Variants in CEP63 observed in about 807,000 individuals in gnomAD.
CEP63 encodes the protein centrosomal protein 63.
A neutral mutation model predicts 89.1 loss-of-function variants in CEP63; 84 were observed. That is an observed-to-expected ratio of 0.94 (90% CI 0.79 to 1.13). CEP63 has a LOEUF of 1.13. Ranked by LOEUF, CEP63 falls within the 50% of genes most tolerant of loss-of-function variation. The pLI is 0.00. For missense variants in CEP63, 838 were observed against 813.3 expected (o/e 1.03, Z -0.37); for synonymous variants, 267 against 272.5 (o/e 0.98, Z 0.20).
At chr3:134,654,183 A>G in the CEP63 span, among the ~76,000 whole-genome samples, 1 of 152,154 alleles carries the variant, frequency 6.6e-6, no homozygotes, top group African/African-American at 2.4e-5. Flanking sequence ...AGTTGTCTGA[A>G]TGGTTCTGGG....
intron 6 of CEP63, among the ~76,000 whole-genome samples, chr3:134,540,091 G>A (rs1030348408): frequency 6.6e-6 from 1 of 152,160 alleles, no homozygotes; most frequent in African/African-American, 2.4e-5. Flanking sequence ...TTTTGAAGCT[G>A]TGTGATAGGG....
chr3:134,651,603 T>A, the CEP63 span: 1 of 988,172 alleles, frequency 1.0e-6, no homozygotes, highest in African/African-American at 1.7e-5. Context: ...TTGGGTGGGG[T>A]GTTGGAGTCA....
At chr3:134,625,236 T>C in the CEP63 span, 4 of 860,940 alleles carry the variant, frequency 4.6e-6, no homozygotes, top group South Asian at 5.9e-5. Flanking sequence ...CTGTCCAACC[T>C]TTAACACAAT....
At chr3:134,607,313 G>A in the CEP63 span, 2 of 985,496 alleles carry the variant, frequency 2.0e-6, no homozygotes, top group Non-Finnish European at 1.2e-6. Flanking sequence ...AAGTCATTGT[G>A]TGGTGGAAGG....
rs540970879 is a variant in CEP63 at position 134,528,293 on chromosome 3, A to G, written c.223-3552A>G. Among the ~76,000 whole-genome samples the G allele has an allele frequency of 4.6e-5, 7 of 151,988 alleles. 1 individual carries two copies. The South Asian group carries it at 1.5e-3, about 32-fold the overall frequency. On this transcript the variant is annotated intron_variant, in intron 3 of 14. Coordinates refer to ENST00000675561, the MANE Select transcript of CEP63 (RefSeq NM_001353108.3). ...AGCACACCAGTTGTCTCAGTCCCTC[A>G]TTGGCAGCTTTTCCTCCTGGCTGTG...
At chr3:134,618,178 T>C in the CEP63 span, among the ~76,000 whole-genome samples, 1 of 151,846 alleles carries the variant, frequency 6.6e-6, no homozygotes, top group African/African-American at 2.4e-5. Flanking sequence ...TGCTTGGCAG[T>C]GGTGATGGGG....
At chr3:134,611,371 C>G in the CEP63 span, among the ~76,000 whole-genome samples, 94,830 of 152,036 alleles carry the variant, frequency 0.62, 30,096 homozygotes, top group East Asian at 0.87. Flanking sequence ...AAAGCAAGAC[C>G]CCTGGGTGTC....
intron 5 of CEP63, among the ~76,000 whole-genome samples, chr3:134,534,784 G>A (rs1286301617): frequency 6.6e-6 from 1 of 152,112 alleles, no homozygotes; most frequent in Non-Finnish European, 1.5e-5. Flanking sequence ...GAATCATACT[G>A]TATTTCCTCT....
chr3:134,557,376 G>GTTTTTTTTTTTTTTT lies in CEP63; in HGVS notation c.1468-752_1468-738dup, dbSNP rs199930556. ...CTTGACCAGCTTACTTTCATAATTT[G>GTTTTTTTTTTTTTTT]TTTTTTTTTTTTTTTTTTTTTTTTT... On this transcript the variant is annotated intron_variant, in intron 12 of 14. Transcript: ENST00000675561. Among the ~76,000 whole-genome samples the GTTTTTTTTTTTTTTT allele has an allele frequency of 5.2e-4, 53 of 101,492 alleles. 11 individuals are homozygous for GTTTTTTTTTTTTTTT. The highest frequency in any genetic ancestry group is 2.2e-3 in the African/African-American group (44 of 20,314). 66.6% of individuals were successfully genotyped at this position (101,492 alleles called of 152,430 possible). A position where few individuals can be genotyped will look rare whatever the true frequency, so the allele number is the denominator to read the frequency against.
the CEP63 span, among the ~76,000 whole-genome samples, chr3:134,678,908 TG>T: frequency 6.6e-6 from 1 of 152,146 alleles, no homozygotes; most frequent in South Asian, 2.1e-4. Context: ...ACAGTGCAAA[TG>T]GGCCCCTAAC....
chr3:134,592,524 AC>A (rs1282826214), downstream of CEP63, among the ~76,000 whole-genome samples: 7 of 70,338 alleles, frequency 1.0e-4, no homozygotes, highest in Non-Finnish European at 2.0e-4. Context: ...GTATGGAGGA[AC>A]TGACTGACTG....
chr3:134,741,229 G>C, the CEP63 span, among the ~76,000 whole-genome samples: 1 of 152,174 alleles, frequency 6.6e-6, no homozygotes, highest in Non-Finnish European at 1.5e-5. Context: ...CCATAGTCCA[G>C]CCTGAGAACT....
At chr3:134,536,863 G>A in intron 5 of CEP63, 2 of 386,850 alleles carry the variant, frequency 5.2e-6, no homozygotes, top group South Asian at 4.5e-5. Flanking sequence ...CAACCCTTAG[G>A]TGGCAGCAAA....
downstream of CEP63, among the ~76,000 whole-genome samples, chr3:134,578,670 G>C (rs1403792390): frequency 6.6e-6 from 1 of 152,102 alleles, no homozygotes; most frequent in Non-Finnish European, 1.5e-5. Flanking sequence ...GATCAGTGAT[G>C]CTGAGCTTTT....
chr3:134,761,017 TAA>T, the CEP63 span, among the ~76,000 whole-genome samples: 9 of 141,192 alleles, frequency 6.4e-5, no homozygotes, highest in South Asian at 2.3e-4. Context: ...AGACATTTGT[TAA>T]AAAAAAAAAA....
intron 10 of CEP63, among the ~76,000 whole-genome samples, chr3:134,581,832 C>T (rs1485653690): frequency 6.7e-6 from 1 of 150,334 alleles, no homozygotes; most frequent in African/African-American, 2.4e-5. Flanking sequence ...CCCGCTACCA[C>T]GCCCGGCTAA....
chr3:134,587,034 A>C (rs1238796374), intron 10 of CEP63, among the ~76,000 whole-genome samples: 1 of 152,162 alleles, frequency 6.6e-6, no homozygotes, highest in Admixed American at 6.5e-5. Context: ...CATGGTTTTC[A>C]GCTCCATCAG....
At chr3:134,547,096 C>A (rs1360877288) in intron 8 of CEP63, among the ~76,000 whole-genome samples, 4 of 152,074 alleles carry the variant, frequency 2.6e-5, no homozygotes, top group Non-Finnish European at 4.4e-5. Flanking sequence ...GCCATTTTGT[C>A]TTTTTCCCTT....
the CEP63 span, among the ~76,000 whole-genome samples, chr3:134,738,976 A>AC: frequency 1.3e-5 from 2 of 151,934 alleles, no homozygotes; most frequent in Admixed American, 6.6e-5. Context: ...TAAAAAAAAA[A>AC]AAAACCCAGA....
Sources: allele counts gnomAD v4.1 joint callset (sites outside exome capture counted in the v4.1 genomes callset), GRCh38; gene constraint gnomAD v4.1.1; transcripts MANE v1.5; gene names NCBI Gene and HGNC (gene_info 2026-07-23, HGNC 2026-07-21).